The following DLC1 variants were observed in gnomAD, a reference collection of about 807,000 sequenced individuals.
The protein encoded by DLC1 is DLC1 Rho GTPase activating protein.
In DLC1, 54 loss-of-function variants were observed where a neutral mutation model predicts 140.3. That is an observed-to-expected ratio of 0.38 (90% CI 0.31 to 0.48). The LOEUF (loss-of-function observed/expected upper bound fraction) is 0.48, where lower values mean the gene tolerates loss of function less well. Among genes scored for constraint, DLC1 ranks in the 20% least tolerant of loss-of-function variants. DLC1 has a pLI of 0.96. For synonymous variants in DLC1, 986 were observed against 728.1 expected, an observed-to-expected ratio of 1.35 and a Z score of -5.70; for missense variants, 2,536 against 1,907.0, an observed-to-expected ratio of 1.33 and a Z score of -6.14.
intron 5 of DLC1, among the ~76,000 whole-genome samples, chr8:13,217,159 A>G (rs186551934): frequency 1.9e-3 from 285 of 152,292 alleles, no homozygotes; most frequent in African/African-American, 6.1e-3. Context: ...ATGGATATAA[A>G]CATCAGTTCT....
chr8:13,334,327 A>G (rs556940146), intron 4 of DLC1, among the ~76,000 whole-genome samples: 4 of 152,158 alleles, frequency 2.6e-5, no homozygotes, highest in African/African-American at 7.2e-5. Context: ...AAGATGGGGG[A>G]GAAGAGAGGG....
At chr8:13,404,373 G>A (rs1428801375) in intron 2 of DLC1, among the ~76,000 whole-genome samples, 1 of 152,048 alleles carries the variant, frequency 6.6e-6, no homozygotes, top group Non-Finnish European at 1.5e-5. Flanking sequence ...GTGCATAATT[G>A]GCCCGTTCGA....
At chr8:13,096,262 A>G (rs751706192) in intron 10 of DLC1, among the ~76,000 whole-genome samples, 10 of 152,136 alleles carry the variant, frequency 6.6e-5, no homozygotes, top group Admixed American at 2.0e-4. Flanking sequence ...CAGATTCTTG[A>G]GGGTTTGGTG....
intron 4 of DLC1, among the ~76,000 whole-genome samples, chr8:13,384,203 G>C (rs1836405115): frequency 6.6e-6 from 1 of 152,186 alleles, no homozygotes; most frequent in South Asian, 2.1e-4. Context: ...TTTTCATCCA[G>C]TGAGAACTTT....
rs78775803 is a variant in DLC1, at chr8:13,468,811, C to CTTTTTTT, written c.1023+30231_1023+30237dup. Among the ~76,000 whole-genome samples, 349 of 89,924 alleles carry CTTTTTTT rather than the reference C, an allele frequency of 3.9e-3. 73 individuals carry two copies. The highest frequency in any genetic ancestry group is 0.036 in the East Asian group (86 of 2,384). 59.0% of individuals were successfully genotyped at this position (89,924 alleles called of 152,430 possible). A position where few individuals can be genotyped will look rare whatever the true frequency, so the allele number is the denominator to read the frequency against. On this transcript the variant is annotated intron_variant, in intron 2 of 17. Coordinates refer to ENST00000276297, the MANE Select transcript of DLC1 (RefSeq NM_182643.3). ...GTTGATTCTCCCAATTTTATGTCTG[C>CTTTTTTT]TTTTTTTTTTTTTTTTTTTTTTTTT...
chr8:13,500,411 T>C (rs150172723), intron 1 of DLC1, among the ~76,000 whole-genome samples: 2 of 152,364 alleles, frequency 1.3e-5, no homozygotes, highest in African/African-American at 2.4e-5. Context: ...AGCAATACTT[T>C]TAAAGGCATT....
At position 13,235,175 on chromosome 8, in the gene DLC1, G is replaced by A. The variant is rs148319883; in HGVS notation, c.1348+70094C>T. 5.4e-3 allele frequency among the ~76,000 whole-genome samples: 816 copies of A among 152,144 alleles called. 5 individuals are homozygous for A. The highest frequency in any genetic ancestry group is 0.037 in the Middle Eastern group (11 of 294). On this transcript the variant is annotated intron_variant, in intron 5 of 17. Coordinates refer to ENST00000276297, the MANE Select transcript of DLC1 (RefSeq NM_182643.3). The stretch of plus-strand genomic sequence containing the variant: ...CTATTTAGCTGTGAAAAGCTGGGAG[G>A]CAATTGAAAGAACAGGTATGATTAT...
intron 5 of DLC1, among the ~76,000 whole-genome samples, chr8:13,273,467 T>C (rs1563215728): frequency 6.6e-6 from 1 of 152,032 alleles, no homozygotes; most frequent in Admixed American, 6.6e-5. Context: ...AAAAAGGGGA[T>C]CATATATAAA....
At chr8:13,587,947 T>C (rs563836552) in intron 1 of DLC1, among the ~76,000 whole-genome samples, 7 of 152,196 alleles carry the variant, frequency 4.6e-5, no homozygotes, top group Middle Eastern at 6.8e-3. Flanking sequence ...ATGTTAAACA[T>C]TTAAAACTTC....
chr8:13,555,410 C>G (rs1458015452), intron 1 of DLC1, among the ~76,000 whole-genome samples: 2 of 152,120 alleles, frequency 1.3e-5, no homozygotes, highest in Admixed American at 6.6e-5. Flanking sequence ...GGATAATGGA[C>G]ACGTTTGTGG....
intron 4 of DLC1, among the ~76,000 whole-genome samples, chr8:13,389,731 G>A (rs143941411): frequency 1.3e-5 from 2 of 152,198 alleles, no homozygotes; most frequent in African/African-American, 4.8e-5. Context: ...TAGAAACCCA[G>A]AGACCTTACA....
At chr8:13,521,757 A>G (rs1802774072) in intron 1 of DLC1, among the ~76,000 whole-genome samples, 1 of 152,156 alleles carries the variant, frequency 6.6e-6, no homozygotes, top group Non-Finnish European at 1.5e-5. Flanking sequence ...TATTTGTTCC[A>G]ATTTCTGTTA....
intron 2 of DLC1, among the ~76,000 whole-genome samples, chr8:13,423,889 A>G (rs1838434101): frequency 6.6e-6 from 1 of 152,142 alleles, no homozygotes; most frequent in Non-Finnish European, 1.5e-5. Context: ...GCTCTGATCC[A>G]TTACAGACTC....
At chr8:13,376,917 T>C (rs1325490243) in intron 4 of DLC1, among the ~76,000 whole-genome samples, 1 of 152,108 alleles carries the variant, frequency 6.6e-6, no homozygotes, top group Non-Finnish European at 1.5e-5. Context: ...CTATATGGTA[T>C]AGATTATATG....
At chr8:13,469,060 C>G (rs1271521505) in intron 2 of DLC1, among the ~76,000 whole-genome samples, 1 of 151,980 alleles carries the variant, frequency 6.6e-6, no homozygotes, top group Non-Finnish European at 1.5e-5. Flanking sequence ...ACCTCGTGAT[C>G]TGCCTGCCTC....
chr8:13,258,576 T>G (rs1830349562), intron 5 of DLC1, among the ~76,000 whole-genome samples: 1 of 152,212 alleles, frequency 6.6e-6, no homozygotes, highest in Non-Finnish European at 1.5e-5. Context: ...GTCATGTGAC[T>G]TTTAACCAGT....
At chr8:13,119,529 G>A (rs912063173) in intron 5 of DLC1, among the ~76,000 whole-genome samples, 1 of 152,076 alleles carries the variant, frequency 6.6e-6, no homozygotes, top group Non-Finnish European at 1.5e-5. Flanking sequence ...TACGCATAAG[G>A]CCCTGTCTAA....
At chr8:13,482,242 T>A (rs1800770676) in intron 2 of DLC1, among the ~76,000 whole-genome samples, 1 of 152,222 alleles carries the variant, frequency 6.6e-6, no homozygotes. Context: ...TATCATTAAT[T>A]AATATGTATG....
chr8:13,465,176 A>G (rs1799875233), intron 2 of DLC1, among the ~76,000 whole-genome samples: 1 of 152,150 alleles, frequency 6.6e-6, no homozygotes. Flanking sequence ...TATTTCTAGT[A>G]TTTAATTATT....
Sources: gnomAD v4.1 joint callset for allele counts (sites outside exome capture counted in the v4.1 genomes callset) on GRCh38, gnomAD v4.1.1 for gene constraint, MANE v1.5 for transcripts, NCBI Gene and HGNC (gene_info 2026-07-23, HGNC 2026-07-21) for gene names.